Variants in SPAG16 observed in about 807,000 individuals in gnomAD.
The protein encoded by SPAG16 is sperm associated antigen 16, also known as sperm-associated antigen 16 protein.
In SPAG16, 86 loss-of-function variants were observed where a neutral mutation model predicts 80.4. That is an observed-to-expected ratio of 1.07 (90% CI 0.90 to 1.28). The LOEUF (loss-of-function observed/expected upper bound fraction) is 1.28. SPAG16 is among the 50% of genes most tolerant of loss of function. The pLI is 0.00. For missense variants in SPAG16, 870 were observed against 765.3 expected (o/e 1.14, Z -1.61); for synonymous variants, 294 against 265.9 (o/e 1.11, Z -1.03).
intron 15 of SPAG16, among the ~76,000 whole-genome samples, chr2:214,356,690 C>G (rs1455738414): frequency 6.6e-6 from 1 of 151,976 alleles, no homozygotes; most frequent in African/African-American, 2.4e-5. Flanking sequence ...GTTAACTCTT[C>G]AGAACCATGC....
chr2:213,474,377 A>G (rs1452572621), intron 9 of SPAG16, among the ~76,000 whole-genome samples: 1 of 152,168 alleles, frequency 6.6e-6, no homozygotes, highest in Non-Finnish European at 1.5e-5. Flanking sequence ...GAGGCTCAGT[A>G]TCTGCTTCTG....
intron 5 of SPAG16, among the ~76,000 whole-genome samples, chr2:213,331,109 T>C (rs1312558986): frequency 6.6e-6 from 1 of 152,236 alleles, no homozygotes; most frequent in African/African-American, 2.4e-5. Context: ...TAGAGAGTTT[T>C]TCTTTTACTT....
intron 10 of SPAG16, among the ~76,000 whole-genome samples, chr2:213,820,760 T>A (rs1368623488): frequency 6.6e-6 from 1 of 152,098 alleles, no homozygotes; most frequent in Non-Finnish European, 1.5e-5. Flanking sequence ...CTTTCATTAA[T>A]AGTAAATGAC....
chr2:213,367,249 ATG>A (rs1401827935), intron 8 of SPAG16, among the ~76,000 whole-genome samples: 9 of 466 alleles, frequency 0.019, no homozygotes, highest in Admixed American at 0.14. Context: ...AATAAACATA[ATG>A]TGTGCATGTG....
chr2:213,883,981 A>C (rs956023012), intron 11 of SPAG16, among the ~76,000 whole-genome samples: 4 of 152,088 alleles, frequency 2.6e-5, no homozygotes, highest in Admixed American at 6.6e-5. Context: ...TCTGCCTTTT[A>C]AGTGGGGTGT....
chr2:213,516,057 A>T (rs1410154430), intron 10 of SPAG16, among the ~76,000 whole-genome samples: 1 of 152,212 alleles, frequency 6.6e-6, no homozygotes, highest in Non-Finnish European at 1.5e-5. Context: ...AAATTATTTA[A>T]GTGATGCCTA....
chr2:214,143,095 A>T (rs1029053912), intron 14 of SPAG16, among the ~76,000 whole-genome samples: 2 of 151,984 alleles, frequency 1.3e-5, no homozygotes, highest in Non-Finnish European at 2.9e-5. Context: ...CAGCTTAGTG[A>T]CTCTAAAGCC....
chr2:213,876,354 T>C (rs1427715458), intron 11 of SPAG16, among the ~76,000 whole-genome samples: 1 of 151,324 alleles, frequency 6.6e-6, no homozygotes, highest in Non-Finnish European at 1.5e-5. Flanking sequence ...AATCTTTGTG[T>C]AGTTGAATCC....
chr2:213,525,292 T>C (rs575392019), intron 10 of SPAG16, among the ~76,000 whole-genome samples: 4 of 143,174 alleles, frequency 2.8e-5, no homozygotes, highest in East Asian at 2.0e-4. Flanking sequence ...TTCTTTTTTT[T>C]TTTTTTTTTT....
chr2:213,857,985 C>T (rs1254797417), intron 10 of SPAG16, among the ~76,000 whole-genome samples: 1 of 152,100 alleles, frequency 6.6e-6, no homozygotes, highest in Non-Finnish European at 1.5e-5. Context: ...AGAAGTGCAT[C>T]CTGAAAATGC....
chr2:214,269,694 A>G (rs1252393685), intron 15 of SPAG16, among the ~76,000 whole-genome samples: 1 of 152,112 alleles, frequency 6.6e-6, no homozygotes, highest in East Asian at 1.9e-4. Context: ...GTGGTGAAAC[A>G]TATGTCATGT....
chr2:213,931,136 GT>G, intron 12 of SPAG16, among the ~76,000 whole-genome samples: 2 of 152,186 alleles, frequency 1.3e-5, no homozygotes, highest in South Asian at 4.1e-4. Flanking sequence ...ACTTTATTCA[GT>G]TTTTACCATC....
chr2:213,886,642 G>C (rs952836600), intron 11 of SPAG16, among the ~76,000 whole-genome samples: 1 of 151,896 alleles, frequency 6.6e-6, no homozygotes, highest in Admixed American at 6.6e-5. Context: ...TGAGAGGAGT[G>C]CCAACAAACT....
chr2:213,347,692 G>C (rs1387685163), intron 6 of SPAG16, among the ~76,000 whole-genome samples: 1 of 152,166 alleles, frequency 6.6e-6, no homozygotes, highest in African/African-American at 2.4e-5. Flanking sequence ...GTAGTTGAGC[G>C]GTTTTCAGTG....
rs1356463176 is a variant in SPAG16 at position 213,317,154 on chromosome 2, T to C, written c.399-65T>C. On this transcript the variant is annotated intron_variant, in intron 4 of 15. Coordinates refer to ENST00000331683, the MANE Select transcript of SPAG16 (RefSeq NM_024532.5). ...CCCTGAGACTTAACTTTTTGAATTG[T>C]ACATAAATTAAGCCAATTTGGCAGA... 9 of 1,024,726 alleles carry C rather than the reference T, an allele frequency of 8.8e-6. No homozygotes were observed. In the African/African-American group the frequency reaches 1.3e-4, roughly 15 times the overall value. 63.5% of individuals were successfully genotyped at this position (1,024,726 alleles called of 1,614,324 possible).
chr2:214,155,713 G>A (rs777792584), intron 15 of SPAG16, among the ~76,000 whole-genome samples: 3 of 151,962 alleles, frequency 2.0e-5, no homozygotes, highest in South Asian at 4.2e-4. Flanking sequence ...GAAGAATATC[G>A]CCTCCATAGT....
chr2:213,729,501 G>T (rs573476400), intron 10 of SPAG16, among the ~76,000 whole-genome samples: 9 of 152,294 alleles, frequency 5.9e-5, no homozygotes, highest in Non-Finnish European at 1.2e-4. Context: ...CTTAGTTTTT[G>T]CCAGGAGGAG....
At chr2:214,285,138 CT>C (rs1468381310) in intron 15 of SPAG16, among the ~76,000 whole-genome samples, 1 of 152,086 alleles carries the variant, frequency 6.6e-6, no homozygotes, top group Non-Finnish European at 1.5e-5. Context: ...CAATATGTAT[CT>C]TTTATCTTTT....
intron 10 of SPAG16, among the ~76,000 whole-genome samples, chr2:213,593,139 C>A (rs1266842288): frequency 2.0e-5 from 3 of 152,236 alleles, no homozygotes; most frequent in Non-Finnish European, 2.9e-5. Context: ...TAGCCAATGT[C>A]TTTTCCTGGA....
Sources: allele counts gnomAD v4.1 joint callset (sites outside exome capture counted in the v4.1 genomes callset), GRCh38; gene constraint gnomAD v4.1.1; transcripts MANE v1.5; gene names NCBI Gene and HGNC (gene_info 2026-07-23, HGNC 2026-07-21).